Variants in ZNF718 observed in about 807,000 individuals in gnomAD.
ZNF718 encodes zinc finger protein 718.
A neutral mutation model predicts 2.6 loss-of-function variants in ZNF718; 3 were observed. The observed-to-expected ratio is 1.16, with a 90% CI of 0.53 to 3.01. The LOEUF (loss-of-function observed/expected upper bound fraction) is 3.01. Ranked by LOEUF, ZNF718 falls within the 30% of genes most tolerant of loss-of-function variation. The pLI is 0.03. For missense variants in ZNF718, 468 were observed against 230.0 expected (o/e 2.03, Z -6.69); for synonymous variants, 135 against 77.9 (o/e 1.73, Z -3.86).
intron 3 of ZNF718, among the ~76,000 whole-genome samples, chr4:145,957 T>C (rs1553811193): frequency 6.6e-6 from 1 of 152,072 alleles, no homozygotes; most frequent in African/African-American, 2.4e-5. Context: ...CCCTTTACTT[T>C]TTTTTAATAT....
In ZNF718 at chr4:132,068, C is replaced by G. The variant is rs1254552519; in HGVS notation, c.226+563C>G. Reference sequence around the variant, plus strand: ...TCAAAAAAAAAAAAAACCCAGGAGGCAGAGGTTGCGGTCGGCTGAGATCGT... The same window carrying G: ...TCAAAAAAAAAAAAAACCCAGGAGGGAGAGGTTGCGGTCGGCTGAGATCGT... On this transcript the variant is annotated intron_variant, in intron 3 of 3. Coordinates refer to ENST00000510175, the MANE Select transcript of ZNF718 (RefSeq NM_001039127.6). Among the ~76,000 whole-genome samples, 139 of 87,476 alleles carry G rather than the reference C, an allele frequency of 1.6e-3. 38 individuals are homozygous for G. The highest frequency in any genetic ancestry group is 5.4e-3 in the African/African-American group (132 of 24,590). 57.4% of individuals were successfully genotyped at this position (87,476 alleles called of 152,430 possible).
chr4:160,660 C>G lies in ZNF718; in HGVS notation c.227-252C>G, dbSNP rs188334125. On this transcript the variant is annotated intron_variant, in intron 3 of 3. Coordinates refer to ENST00000510175, the MANE Select transcript of ZNF718 (RefSeq NM_001039127.6). ...TACCTCCCGGGTTCAAGGGATTCTC[C>G]TGCCTCAGCCTCCCAAGTAGCTGGG... 3.3e-3 allele frequency among the ~76,000 whole-genome samples: 500 copies of G among 152,256 alleles called. 3 individuals carry two copies. The highest frequency in any genetic ancestry group is 0.012 in the African/African-American group (488 of 41,544).
chr4:167,228 G>A (rs181663177), downstream of ZNF718, among the ~76,000 whole-genome samples: 55 of 152,274 alleles, frequency 3.6e-4, no homozygotes, highest in Middle Eastern at 0.017. Context: ...TTTGGTACCA[G>A]TACCATGCTG....
At chr4:197,889 A>G (rs1717823741) in intron 3 of ZNF718, among the ~76,000 whole-genome samples, 1 of 152,178 alleles carries the variant, frequency 6.6e-6, no homozygotes, top group African/African-American at 2.4e-5. Flanking sequence ...AGATGAATGA[A>G]TGGGTGGATG....
Position 162,399 on chromosome 4 carries a change from A to G in ZNF718, c.*277A>G, listed in dbSNP as rs1432521971. On this transcript the variant is annotated 3_prime_UTR_variant, in exon 4 of 4. Transcript: ENST00000510175. ...GTGGCAAAACCTTTAACCAATGCTC[A>G]TATCTCTTTGCACATGATAGCATTT... 6.6e-6 allele frequency: 2 copies of G among 301,380 alleles called. No homozygotes were observed. Among genetic ancestry groups the G allele is most frequent in the African/African-American group, 4.3e-5 (2 of 46,602 alleles). The allele number at this position is 301,380 out of a possible 1,614,324, so 18.7% of individuals were successfully genotyped here.
At position 161,500 on chromosome 4, in the gene ZNF718, T is replaced by C. The variant is rs1553815145; in HGVS notation, c.815T>C (p.Leu272Ser). 3 of 780,256 alleles carry C rather than the reference T, an allele frequency of 3.8e-6. No individual in the cohort carries two copies. Among genetic ancestry groups the C allele is most frequent in the Non-Finnish European group, 7.2e-6 (3 of 417,848 alleles). The allele number at this position is 780,256 out of a possible 1,614,324, so 48.3% of individuals were successfully genotyped here. Residue 272 changes from leucine (L) to serine (S), a missense_variant, in exon 4 of 4, where the codon TTA becomes TCA. Leu to Ser is a moderately radical substitution (Grantham distance 145, BLOSUM62 -2). Transcript: ENST00000510175. ...TTTAACCAATCCTCAACCCTTAATT[T>C]ACATAAGAGAATTCATTCTGCACAA... ...KAFNQSSTLN[L>S]HKRIHSAQKY... is the part of the protein sequence containing the mutation.
chr4:172,904 C>T (rs1553818351), intron 3 of ZNF718, among the ~76,000 whole-genome samples: 1 of 151,780 alleles, frequency 6.6e-6, no homozygotes, highest in East Asian at 1.9e-4. Context: ...AATTAGATGG[C>T]CATGGTGGGG....
chr4:148,186 G>C (rs2108793019), intron 3 of ZNF718, among the ~76,000 whole-genome samples: 1 of 152,302 alleles, frequency 6.6e-6, no homozygotes, highest in East Asian at 1.9e-4. Context: ...GCTACTTCAA[G>C]ATTCATAGTG....
At chr4:170,695 C>T (rs1208080298) in intron 3 of ZNF718, among the ~76,000 whole-genome samples, 3 of 152,146 alleles carry the variant, frequency 2.0e-5, no homozygotes, top group Non-Finnish European at 4.4e-5. Context: ...GTTTTCAGCT[C>T]CATCAGGTCC....
chr4:144,227 A>C (rs1177114698), intron 3 of ZNF718, among the ~76,000 whole-genome samples: 2 of 151,740 alleles, frequency 1.3e-5, no homozygotes, highest in African/African-American at 4.8e-5. Flanking sequence ...AAATCCTTTT[A>C]TTCCTTCCTT....
chr4:194,921 G>A (rs1228653905), intron 3 of ZNF718, among the ~76,000 whole-genome samples: 1 of 152,188 alleles, frequency 6.6e-6, no homozygotes, highest in African/African-American at 2.4e-5. Context: ...TTTCCAGGGT[G>A]TGTAACCACC....
Position 192,161 on chromosome 4 carries a change from G to A in ZNF718, c.227-8920G>A, listed in dbSNP as rs566970293. Among the ~76,000 whole-genome samples, 82 of 152,278 alleles carry A rather than the reference G, an allele frequency of 5.4e-4. 2 individuals are homozygous for A. In the South Asian group the frequency reaches 7.7e-3, roughly 14 times the overall value. On this transcript the variant is annotated intron_variant and NMD_transcript_variant, in intron 3 of 4. Transcript: ENST00000642529. ...TCTGCGATGGTGGTGATCAGCAGTG[G>A]TGGATGGCAAGCGATAGCTCAGCTC... is the stretch of plus-strand genomic sequence containing the variant.
At chr4:172,645 A>G (rs141230693) in intron 3 of ZNF718, among the ~76,000 whole-genome samples, 1 of 152,334 alleles carries the variant, frequency 6.6e-6, no homozygotes, top group African/African-American at 2.4e-5. Flanking sequence ...CTTGTCTATT[A>G]TAGTAAACAC....
chr4:164,022 T>C lies in ZNF718; in HGVS notation c.*1900T>C, dbSNP rs185707275. The C allele has an allele frequency of 6.6e-6, 1 of 152,204 alleles. No homozygotes were observed. Among genetic ancestry groups the C allele is most frequent in the Admixed American group, 6.5e-5 (1 of 15,278 alleles). The allele number at this position is 152,204 out of a possible 1,614,324, so 9.4% of individuals were successfully genotyped here. A position where few individuals can be genotyped will look rare whatever the true frequency, so the allele number is the denominator to read the frequency against. On this transcript the variant is annotated 3_prime_UTR_variant, in exon 4 of 4. Coordinates refer to ENST00000510175, the MANE Select transcript of ZNF718 (RefSeq NM_001039127.6). The stretch of plus-strand genomic sequence containing the variant: ...TCCTTTGTATTACAAACAATCCAAT[T>C]ATACACTTCATTTTTAAATGTACAA...
At chr4:134,864 TC>T (rs1266408638) in intron 3 of ZNF718, among the ~76,000 whole-genome samples, 1 of 152,118 alleles carries the variant, frequency 6.6e-6, no homozygotes, top group Non-Finnish European at 1.5e-5. Flanking sequence ...GGCTGATAGA[TC>T]ACTTGAGCAT....
intron 3 of ZNF718, among the ~76,000 whole-genome samples, chr4:180,217 A>G (rs1553819615): frequency 6.6e-6 from 1 of 152,206 alleles, no homozygotes; most frequent in Non-Finnish European, 1.5e-5. Flanking sequence ...TTCATTGTGT[A>G]AGTTACCTAC....
chr4:168,213 G>T, downstream of ZNF718, among the ~76,000 whole-genome samples: 1 of 152,144 alleles, frequency 6.6e-6, no homozygotes, highest in African/African-American at 2.4e-5. Flanking sequence ...CTTGATCATG[G>T]TGGATAAGCT....
At chr4:174,738 AATTC>A (rs1259351716) in intron 3 of ZNF718, among the ~76,000 whole-genome samples, 1 of 152,178 alleles carries the variant, frequency 6.6e-6, no homozygotes, top group Non-Finnish European at 1.5e-5. Flanking sequence ...GAATAGAAAA[AATTC>A]AAGTAATTTC....
At chr4:158,361 CATAA>C (rs1716670185) in intron 3 of ZNF718, among the ~76,000 whole-genome samples, 1 of 151,830 alleles carries the variant, frequency 6.6e-6, no homozygotes, top group African/African-American at 2.4e-5. Flanking sequence ...AAGTTTACTT[CATAA>C]ATATTTAAAT....
Sources: gnomAD v4.1 joint callset for allele counts (sites outside exome capture counted in the v4.1 genomes callset) on GRCh38, gnomAD v4.1.1 for gene constraint, MANE v1.5 for transcripts, NCBI Gene and HGNC (gene_info 2026-07-23, HGNC 2026-07-21) for gene names.